Variants in KCNIP4 observed in about 807,000 individuals in gnomAD.
KCNIP4 encodes Kv channel-interacting protein 4.
In KCNIP4, 12 loss-of-function variants were observed where a neutral mutation model predicts 34.0. That is an observed-to-expected ratio of 0.35 (90% CI 0.23 to 0.57). KCNIP4 has a LOEUF of 0.57. KCNIP4 is among the 20% of genes least tolerant of loss of function. The pLI, the probability that KCNIP4 is intolerant of heterozygous loss-of-function variation, is 0.83. For synonymous variants in KCNIP4, 124 were observed against 102.2 expected (o/e 1.21, Z -1.29); for missense variants, 238 against 311.7 (o/e 0.76, Z 1.78).
chr4:20,879,223 T>A (rs1031271767), intron 2 of KCNIP4, among the ~76,000 whole-genome samples: 3 of 152,210 alleles, frequency 2.0e-5, no homozygotes, highest in African/African-American at 7.2e-5. Flanking sequence ...CTGTCTCATT[T>A]CTTACTCTGG....
intron 1 of KCNIP4, among the ~76,000 whole-genome samples, chr4:21,008,536 T>TTG (rs971332385): frequency 2.6e-5 from 4 of 151,974 alleles, no homozygotes; most frequent in Non-Finnish European, 4.4e-5. Context: ...GTTTTTGTTT[T>TTG]TTTTTGAGAC....
rs551714861 is a variant in KCNIP4 at position 21,458,794 on chromosome 4, C to T, written c.61+489777G>A. Reference sequence around the variant, plus strand: ...TCCCATCCTCATTCTCAGCTTAAAACTTGCTGTGAAAATAGAAGCAATCAG... The same window carrying T: ...TCCCATCCTCATTCTCAGCTTAAAATTTGCTGTGAAAATAGAAGCAATCAG... On this transcript the variant is annotated intron_variant, in intron 1 of 8. Coordinates refer to ENST00000382152, the MANE Select transcript of KCNIP4 (RefSeq NM_025221.6). Among the ~76,000 whole-genome samples, 40 of 152,158 alleles carry T rather than the reference C, an allele frequency of 2.6e-4. No homozygotes were observed. The South Asian group carries it at 8.1e-3, about 31-fold the overall frequency.
chr4:21,677,505 C>T (rs1750002174), intron 1 of KCNIP4, among the ~76,000 whole-genome samples: 1 of 152,148 alleles, frequency 6.6e-6, no homozygotes. Flanking sequence ...ACCATCACTG[C>T]CAGTTCCCTG....
chr4:21,191,135 G>T (rs1560795746), intron 1 of KCNIP4, among the ~76,000 whole-genome samples: 1 of 152,160 alleles, frequency 6.6e-6, no homozygotes, highest in South Asian at 2.1e-4. Context: ...AGAATTGTTT[G>T]CAGTAAGCAC....
At chr4:20,739,987 G>C (rs149052151) in intron 5 of KCNIP4, among the ~76,000 whole-genome samples, 2,829 of 152,140 alleles carry the variant, frequency 0.019, 41 homozygotes, top group Non-Finnish European at 0.03. Context: ...TGGAAGAAAG[G>C]GTATCAGTGA....
At chr4:21,401,388 C>T (rs368160119) in intron 1 of KCNIP4, among the ~76,000 whole-genome samples, 9 of 152,154 alleles carry the variant, frequency 5.9e-5, no homozygotes, top group Admixed American at 2.6e-4. Context: ...TACAAATCTC[C>T]GATGCCCATG....
intron 1 of KCNIP4, among the ~76,000 whole-genome samples, chr4:20,958,279 T>C (rs1733510534): frequency 6.6e-6 from 1 of 152,182 alleles, no homozygotes; most frequent in Non-Finnish European, 1.5e-5. Context: ...AGAACACAAA[T>C]CCAAAGTGAA....
In KCNIP4 at chr4:20,743,725, C is replaced by T. The variant is rs1387319090; in HGVS notation, c.429+5937G>A. Among the ~76,000 whole-genome samples the T allele has an allele frequency of 7.2e-5, 11 of 152,104 alleles. No homozygotes were observed. In the East Asian group the frequency reaches 1.5e-3, roughly 21 times the overall value. Reference sequence around the variant, plus strand: ...ATAGGCATGGGCAAGGACTTCATGTCTAAAACACCAAAAGCAATGGCAACA... The same window carrying T: ...ATAGGCATGGGCAAGGACTTCATGTTTAAAACACCAAAAGCAATGGCAACA... On this transcript the variant is annotated intron_variant, in intron 5 of 8. Coordinates refer to ENST00000382152, the MANE Select transcript of KCNIP4 (RefSeq NM_025221.6).
intron 3 of KCNIP4, among the ~76,000 whole-genome samples, chr4:20,761,603 G>T (rs747758639): frequency 3.3e-5 from 5 of 152,114 alleles, no homozygotes; most frequent in Admixed American, 1.3e-4. Context: ...GTTAGAGCTG[G>T]AAAGTTGCCT....
At chr4:21,549,558 A>T (rs1252357710) in intron 1 of KCNIP4, among the ~76,000 whole-genome samples, 1 of 151,984 alleles carries the variant, frequency 6.6e-6, no homozygotes, top group African/African-American at 2.4e-5. Context: ...AGCCAAGCAG[A>T]TGCTGGTACC....
intron 1 of KCNIP4, among the ~76,000 whole-genome samples, chr4:21,800,922 G>A (rs934469027): frequency 2.0e-5 from 3 of 152,130 alleles, no homozygotes; most frequent in East Asian, 3.9e-4. Flanking sequence ...ATTTGCCAAC[G>A]TTTCTCATGA....
chr4:20,805,969 A>G (rs920190663), intron 3 of KCNIP4, among the ~76,000 whole-genome samples: 5 of 152,132 alleles, frequency 3.3e-5, no homozygotes, highest in African/African-American at 1.2e-4. Flanking sequence ...CTGTGCTTTG[A>G]CAATATATAG....
chr4:21,492,546 A>G (rs1732501777), intron 1 of KCNIP4, among the ~76,000 whole-genome samples: 2 of 152,176 alleles, frequency 1.3e-5, no homozygotes, highest in Non-Finnish European at 2.9e-5. Context: ...TTGGTTATGC[A>G]TTATTGGCTG....
At chr4:21,034,254 A>T (rs76481740) in intron 1 of KCNIP4, among the ~76,000 whole-genome samples, 7,893 of 152,246 alleles carry the variant, frequency 0.052, 283 homozygotes, top group Middle Eastern at 0.13. Flanking sequence ...AGCCAAAGTG[A>T]ATTATATATA....
intron 1 of KCNIP4, among the ~76,000 whole-genome samples, chr4:21,308,112 T>C (rs1182431559): frequency 6.6e-6 from 1 of 152,220 alleles, no homozygotes; most frequent in Non-Finnish European, 1.5e-5. Context: ...ATTAATCCAA[T>C]ATATTTTCTT....
rs544612590 is a variant in KCNIP4, at chr4:21,899,106, C to A, written c.61+49465G>T. Among the ~76,000 whole-genome samples the A allele has an allele frequency of 3.9e-5, 6 of 152,112 alleles. No individual in the cohort carries two copies. The South Asian group carries it at 6.2e-4, about 16-fold the overall frequency. ...TTCATCATGACTAAGTGGGATTTAT[C>A]CCAGGGATGCAAGGATAGTTCAACA... On this transcript the variant is annotated intron_variant, in intron 1 of 8. Transcript: ENST00000382152.
intron 1 of KCNIP4, among the ~76,000 whole-genome samples, chr4:21,151,406 ATTTTTTTT>A (rs35983306): frequency 3.9e-5 from 2 of 51,276 alleles, no homozygotes; most frequent in Admixed American, 2.6e-4. Context: ...ACAAAAGACA[ATTTTTTTT>A]TTTTTTTTTT....
chr4:20,742,891 C>T (rs1008012733), intron 5 of KCNIP4, among the ~76,000 whole-genome samples: 1 of 152,044 alleles, frequency 6.6e-6, no homozygotes, highest in African/African-American at 2.4e-5. Flanking sequence ...AATCAATGTG[C>T]AAAAATCACA....
chr4:20,992,967 G>A (rs1451125253), intron 1 of KCNIP4, among the ~76,000 whole-genome samples: 1 of 140,942 alleles, frequency 7.1e-6, no homozygotes, highest in Non-Finnish European at 1.5e-5. Context: ...AGTGGAGGTT[G>A]CAGTGAGCCG....
Sources: allele counts gnomAD v4.1 joint callset (sites outside exome capture counted in the v4.1 genomes callset), GRCh38; gene constraint gnomAD v4.1.1; transcripts MANE v1.5; gene names NCBI Gene and HGNC (gene_info 2026-07-23, HGNC 2026-07-21).